The following AGAP1 variants were observed in gnomAD, a reference collection of about 807,000 sequenced individuals.
AGAP1 encodes the protein arf-GAP with GTPase, ANK repeat and PH domain-containing protein 1.
AGAP1 carries 29 observed loss-of-function variants against 105.3 expected under a neutral mutation model. That is an observed-to-expected ratio of 0.28 (90% CI 0.21 to 0.38). The LOEUF is 0.38. Ranked by LOEUF, AGAP1 falls within the 10% of genes least tolerant of loss-of-function variation. AGAP1 has a pLI of 1.00. For missense variants in AGAP1, 998 were observed against 1,165.1 expected (o/e 0.86, Z 2.09); for synonymous variants, 509 against 485.9 (o/e 1.05, Z -0.63).
At position 236,058,365 on chromosome 2, in the gene AGAP1, G is replaced by T. The variant is rs747489595; in HGVS notation, c.2114+9084G>T. Among the ~76,000 whole-genome samples the T allele has an allele frequency of 6.6e-6, 1 of 152,162 alleles. No individual in the cohort carries two copies. Among genetic ancestry groups the T allele is most frequent in the Non-Finnish European group, 1.5e-5 (1 of 68,026 alleles). On this transcript the variant is annotated intron_variant, in intron 16 of 17. Transcript: ENST00000304032. The surrounding 1 kb of genome is among the most constrained non-coding windows in gnomAD (Gnocchi z 4.6). ...TACAGCCAGAGAGCATCTACAAGAG[G>T]ATTAGACTCTGTGATCAGGTGGCAC...
At chr2:235,533,612 T>C (rs557921353) in intron 1 of AGAP1, among the ~76,000 whole-genome samples, 5 of 152,364 alleles carry the variant, frequency 3.3e-5, no homozygotes, top group African/African-American at 1.2e-4. Context: ...TTTAAAATCA[T>C]CAGGCAGGCT....
chr2:235,816,299 G>C (rs1013197049), intron 9 of AGAP1, among the ~76,000 whole-genome samples: 1 of 151,948 alleles, frequency 6.6e-6, no homozygotes, highest in African/African-American at 2.4e-5. Context: ...TTAGCCAGGC[G>C]TGGTGGCGGG....
At chr2:235,950,623 T>C (rs1007142383) in intron 12 of AGAP1, among the ~76,000 whole-genome samples, 12 of 150,418 alleles carry the variant, frequency 8.0e-5, no homozygotes, top group African/African-American at 2.9e-4. Context: ...CTCTGCTGAA[T>C]AGCCAGCCAG....
Position 235,635,516 on chromosome 2 carries a change from A to G in AGAP1, c.164-73663A>G, listed in dbSNP as rs1946967499. The stretch of plus-strand genomic sequence containing the variant: ...AAGTTCCATTGTTTGAGATGATTCA[A>G]CATGATTTGGAAACCATGGGGTAAG... On this transcript the variant is annotated intron_variant, in intron 1 of 17. Coordinates refer to ENST00000304032, the MANE Select transcript of AGAP1 (RefSeq NM_001037131.3). This position sits in a 1 kb window ranked among gnomAD's most constrained non-coding sequence, Gnocchi z 5.3. Among the ~76,000 whole-genome samples, 1 of 152,068 alleles carries G rather than the reference A, an allele frequency of 6.6e-6. No individual in the cohort carries two copies. Among genetic ancestry groups the G allele is most frequent in the Non-Finnish European group, 1.5e-5 (1 of 68,034 alleles).
Position 235,494,772 on chromosome 2 carries a change from C to A in AGAP1, c.86C>A (p.Ser29Tyr). 6.3e-7 allele frequency: 1 copy of A among 1,582,566 alleles called. No homozygotes were observed. The highest frequency in any genetic ancestry group is 1.4e-5 in the African/African-American group (1 of 71,914). The change falls in exon 1 of 18, where the codon TCC becomes TAC. Residue 29 changes from serine to tyrosine, a missense_variant. This residue lies in a region of AGAP1 where 735 missense variants were observed against 833.4 expected (regional missense o/e 0.88). Coordinates refer to ENST00000304032, the MANE Select transcript of AGAP1 (RefSeq NM_001037131.3). ...GAGTCGGTCCACCCCAACATCTACT[C>A]CATCTACGAGCTGCTGGAGCGCGTG... ...RFESVHPNIY[S>Y]IYELLERVEE...
Position 235,874,751 on chromosome 2 carries a change from G to A in AGAP1, c.1051-8594G>A, listed in dbSNP as rs556476859. On this transcript the variant is annotated intron_variant, in intron 9 of 17. Transcript: ENST00000304032. The surrounding 1 kb of genome is among the most constrained non-coding windows in gnomAD (Gnocchi z 4.5). ...TGAATGTGAAAGAGAAGGCACTCAT[G>A]TATAGAACTCATTACAAAGATAGCA... Among the ~76,000 whole-genome samples the A allele has an allele frequency of 1.3e-5, 2 of 152,300 alleles. No homozygotes were observed. The highest frequency in any genetic ancestry group is 3.9e-4 in the East Asian group (2 of 5,178).
intron 1 of AGAP1, among the ~76,000 whole-genome samples, chr2:235,571,932 T>TTTTGTGTGTGTG (rs1553568280): frequency 1.9e-5 from 2 of 103,608 alleles, no homozygotes; most frequent in Non-Finnish European, 3.7e-5. Context: ...TGCCCACACT[T>TTTTGTGTGTGTG]TGTGTGTGTG....
At chr2:235,955,886 C>T (rs2053926768) in intron 12 of AGAP1, among the ~76,000 whole-genome samples, 1 of 152,186 alleles carries the variant, frequency 6.6e-6, no homozygotes, top group South Asian at 2.1e-4. Context: ...CCTCGCTGTA[C>T]TGGCCTAAGG....
intron 13 of AGAP1, among the ~76,000 whole-genome samples, chr2:235,978,176 T>C (rs2054937678): frequency 6.6e-6 from 1 of 152,122 alleles, no homozygotes; most frequent in Non-Finnish European, 1.5e-5. Flanking sequence ...ATTGGTGGGG[T>C]GAGGAATTAG....
intron 16 of AGAP1, among the ~76,000 whole-genome samples, chr2:236,117,988 C>T (rs1320910989): frequency 6.6e-6 from 1 of 152,020 alleles, no homozygotes; most frequent in African/African-American, 2.4e-5. Flanking sequence ...TGAAAAGAGT[C>T]GGGGGTCACT....
rs1200403279 is a variant in AGAP1 at position 235,951,985 on chromosome 2, G to C, written c.1484-16477G>C. On this transcript the variant is annotated intron_variant, in intron 12 of 17. Transcript: ENST00000304032. This position sits in a 1 kb window ranked among gnomAD's most constrained non-coding sequence, Gnocchi z 4.2. ...CCTACCTGCTATGTATTTGTGACCT[G>C]ATATATTATTTTTAAATACAGTTGT... Among the ~76,000 whole-genome samples the C allele has an allele frequency of 6.6e-6, 1 of 152,156 alleles. No individual in the cohort carries two copies. Among genetic ancestry groups the C allele is most frequent in the African/African-American group, 2.4e-5 (1 of 41,428 alleles).
intron 13 of AGAP1, among the ~76,000 whole-genome samples, chr2:235,986,884 T>C (rs946291298): frequency 1.3e-5 from 2 of 152,166 alleles, no homozygotes; most frequent in Non-Finnish European, 2.9e-5. Flanking sequence ...CAGTATTTTG[T>C]TGAGGATTTT....
intron 1 of AGAP1, among the ~76,000 whole-genome samples, chr2:235,565,359 G>T (rs140227108): frequency 4.4e-4 from 67 of 152,364 alleles, no homozygotes; most frequent in African/African-American, 1.5e-3. Flanking sequence ...AGGTGAAGAG[G>T]TCCCACTTAG....
chr2:235,723,252 G>A lies in AGAP1; in HGVS notation c.310+5608G>A, dbSNP rs1285893828. ...ATTAATGGCTGCTGATTAGAATCGT[G>A]TGACATTTTGGGTGTGTAATGTGAC... On this transcript the variant is annotated intron_variant, in intron 3 of 17. Transcript: ENST00000304032. The surrounding 1 kb of genome is among the most constrained non-coding windows in gnomAD (Gnocchi z 6.2). 6.6e-6 allele frequency among the ~76,000 whole-genome samples: 1 copy of A among 152,170 alleles called. No homozygotes were observed.
At chr2:235,797,675 C>A in intron 6 of AGAP1, 84 bp from the exon 7 acceptor site, 1 of 1,538,236 alleles carries the variant, frequency 6.5e-7, no homozygotes, top group Non-Finnish European at 8.9e-7. Context: ...TAACAGATTT[C>A]GACAACAGAC....
chr2:235,842,097 C>T lies in AGAP1; in HGVS notation c.1050+34766C>T, dbSNP rs1559551569. Among the ~76,000 whole-genome samples the T allele has an allele frequency of 6.6e-6, 1 of 152,216 alleles. No homozygotes were observed. The highest frequency in any genetic ancestry group is 2.4e-5 in the African/African-American group (1 of 41,444). ...GGGCCTCTCGTTGGAAGCCCAGGCTCACTCCATGGCTGCCCCTCTCCCCAG... is the reference window on the plus strand; with the variant it reads ...GGGCCTCTCGTTGGAAGCCCAGGCTTACTCCATGGCTGCCCCTCTCCCCAG... On this transcript the variant is annotated intron_variant, in intron 9 of 17. Coordinates refer to ENST00000304032, the MANE Select transcript of AGAP1 (RefSeq NM_001037131.3). The surrounding 1 kb of genome is among the most constrained non-coding windows in gnomAD (Gnocchi z 5.3).
intron 13 of AGAP1, among the ~76,000 whole-genome samples, chr2:235,985,667 G>C (rs2055282965): frequency 6.6e-6 from 1 of 152,108 alleles, no homozygotes; most frequent in Non-Finnish European, 1.5e-5. Context: ...TCTGCATATG[G>C]CTAGCCAGTT....
rs1200988147 is a variant in AGAP1 at position 236,113,024 on chromosome 2, GC to G, written c.2115-7167del. 6.6e-6 allele frequency among the ~76,000 whole-genome samples: 1 copy of G among 152,238 alleles called. No homozygotes were observed. The highest frequency in any genetic ancestry group is 1.5e-5 in the Non-Finnish European group (1 of 68,052). On this transcript the variant is annotated intron_variant, in intron 16 of 17. Transcript: ENST00000304032. This position sits in a 1 kb window ranked among gnomAD's most constrained non-coding sequence, Gnocchi z 4.3. ...CACTGTTTTTCCCCTTTTGAAACTT[GC>G]AATAAAATCTACCTGTCTCTTCTTT...
intron 9 of AGAP1, among the ~76,000 whole-genome samples, chr2:235,820,917 G>C (rs767018165): frequency 6.6e-6 from 1 of 152,174 alleles, no homozygotes; most frequent in East Asian, 1.9e-4. Context: ...AAATAAGGAA[G>C]AGCAGAGTTG....
Sources: gnomAD v4.1 joint callset for allele counts (sites outside exome capture counted in the v4.1 genomes callset) on GRCh38, gnomAD v4.1.1 for gene constraint, gnomAD v4.1.1 regional missense constraint, Gnocchi (gnomAD v3.1) non-coding constraint, MANE v1.5 for transcripts, NCBI Gene and HGNC (gene_info 2026-07-23, HGNC 2026-07-21) for gene names.